Variants in GRID2 observed in about 807,000 individuals in gnomAD.
GRID2 encodes glutamate receptor ionotropic, delta-2.
In GRID2, 33 loss-of-function variants were observed where a neutral mutation model predicts 114.8. That is an observed-to-expected ratio of 0.29 (90% CI 0.22 to 0.38). The LOEUF (loss-of-function observed/expected upper bound fraction) is 0.38, where lower values mean the gene tolerates loss of function less well. Among genes scored for constraint, GRID2 ranks in the 10% least tolerant of loss-of-function variants. The pLI is 1.00. For synonymous variants in GRID2, 505 were observed against 449.9 expected, an observed-to-expected ratio of 1.12 and a Z score of -1.55; for missense variants, 1,184 against 1,257.7, an observed-to-expected ratio of 0.94 and a Z score of 0.89.
At chr4:93,005,694 A>G (rs1721443015) in intron 2 of GRID2, among the ~76,000 whole-genome samples, 2 of 152,232 alleles carry the variant, frequency 1.3e-5, no homozygotes, top group Admixed American at 6.6e-5. Flanking sequence ...TAGTATATAC[A>G]TGCAATGGAA....
At chr4:93,240,983 A>G (rs1747444135) in intron 8 of GRID2, among the ~76,000 whole-genome samples, 1 of 151,530 alleles carries the variant, frequency 6.6e-6, no homozygotes, top group Non-Finnish European at 1.5e-5. Flanking sequence ...CTTGGCCTGA[A>G]AGTTTATATA....
At chr4:93,682,894 C>T (rs1045904496) in intron 14 of GRID2, among the ~76,000 whole-genome samples, 2 of 149,980 alleles carry the variant, frequency 1.3e-5, no homozygotes, top group Non-Finnish European at 3.0e-5. Flanking sequence ...AACTAACCTG[C>T]ACATTGTGCA....
intron 2 of GRID2, among the ~76,000 whole-genome samples, chr4:92,650,337 A>G (rs1398590118): frequency 1.3e-5 from 2 of 151,946 alleles, no homozygotes; most frequent in African/African-American, 2.4e-5. Context: ...TGGTAGGGTG[A>G]CCCAGATCTT....
chr4:92,554,245 G>C (rs1357190078), intron 1 of GRID2, among the ~76,000 whole-genome samples: 1 of 152,124 alleles, frequency 6.6e-6, no homozygotes, highest in Non-Finnish European at 1.5e-5. Flanking sequence ...GTTCATTTAT[G>C]AGCGGCAGTA....
At chr4:93,725,526 A>G (rs1729788690) in intron 14 of GRID2, among the ~76,000 whole-genome samples, 1 of 151,820 alleles carries the variant, frequency 6.6e-6, no homozygotes. Context: ...GTCAAATGGT[A>G]TTTCTAGTTC....
intron 4 of GRID2, among the ~76,000 whole-genome samples, chr4:93,170,256 G>T (rs1738668246): frequency 6.6e-6 from 1 of 152,012 alleles, no homozygotes; most frequent in Non-Finnish European, 1.5e-5. Context: ...GCTAATTTTT[G>T]TATTTTTATT....
At chr4:92,990,483 T>G (rs1417984150) in intron 2 of GRID2, among the ~76,000 whole-genome samples, 1 of 151,858 alleles carries the variant, frequency 6.6e-6, no homozygotes, top group South Asian at 2.1e-4. Flanking sequence ...CTAATTTTTG[T>G]ATTTTTAGTA....
chr4:92,475,318 T>A (rs1449884359), intron 1 of GRID2, among the ~76,000 whole-genome samples: 2 of 151,516 alleles, frequency 1.3e-5, no homozygotes, highest in African/African-American at 4.8e-5. Context: ...TTACATTTAA[T>A]CTTTAATCCA....
chr4:92,645,829 A>G (rs1446834234), intron 2 of GRID2, among the ~76,000 whole-genome samples: 3 of 151,764 alleles, frequency 2.0e-5, no homozygotes, highest in Non-Finnish European at 4.4e-5. Context: ...CCCCGTAAGA[A>G]TTAGATCACA....
At chr4:93,220,553 G>T (rs1443465276) in intron 6 of GRID2, among the ~76,000 whole-genome samples, 1 of 152,074 alleles carries the variant, frequency 6.6e-6, no homozygotes, top group African/African-American at 2.4e-5. Flanking sequence ...AATTAAACTA[G>T]TTGTTTTTCT....
chr4:92,505,273 C>T (rs1038413643), intron 1 of GRID2, among the ~76,000 whole-genome samples: 2 of 152,004 alleles, frequency 1.3e-5, no homozygotes, highest in African/African-American at 2.4e-5. Context: ...ATAAAGAATG[C>T]TGTCCATAAC....
At chr4:93,199,848 C>T (rs1741884702) in intron 4 of GRID2, among the ~76,000 whole-genome samples, 1 of 152,142 alleles carries the variant, frequency 6.6e-6, no homozygotes, top group African/African-American at 2.4e-5. Context: ...TATGTCTTGG[C>T]TTCAGTTCTT....
chr4:93,697,863 A>ATG lies in GRID2; in HGVS notation c.2361-71341_2361-71340dup, dbSNP rs373336727. ...ACTGGCTCAATTTAGTCATTCCACA[A>ATG]TGTGTGTATATATATATTTCAAAAC... On this transcript the variant is annotated intron_variant, in intron 14 of 15. Coordinates refer to ENST00000282020, the MANE Select transcript of GRID2 (RefSeq NM_001510.4). Among the ~76,000 whole-genome samples the ATG allele has an allele frequency of 1.0e-3, 144 of 137,980 alleles. 4 individuals are homozygous for ATG. The highest frequency in any genetic ancestry group is 2.3e-3 in the East Asian group (11 of 4,724). The allele number at this position is 137,980 out of a possible 152,430, so 90.5% of individuals were successfully genotyped here. A position where few individuals can be genotyped will look rare whatever the true frequency, so the allele number is the denominator to read the frequency against.
intron 3 of GRID2, among the ~76,000 whole-genome samples, chr4:93,090,945 A>C (rs773285116): frequency 4.6e-5 from 7 of 152,056 alleles, no homozygotes; most frequent in Non-Finnish European, 7.4e-5. Flanking sequence ...TTTAAGAGAG[A>C]CTTTGTGAGA....
intron 9 of GRID2, among the ~76,000 whole-genome samples, chr4:93,405,069 C>G (rs1264705302): frequency 6.6e-6 from 1 of 151,950 alleles, no homozygotes; most frequent in Non-Finnish European, 1.5e-5. Flanking sequence ...CAACTCTGAT[C>G]CAGTGTAAAG....
intron 8 of GRID2, among the ~76,000 whole-genome samples, chr4:93,249,290 T>G (rs1381844867): frequency 6.6e-6 from 1 of 152,200 alleles, no homozygotes; most frequent in Non-Finnish European, 1.5e-5. Flanking sequence ...TAGTATAGTT[T>G]GAAGTCAGGT....
chr4:92,408,895 T>C (rs553248409), intron 1 of GRID2, among the ~76,000 whole-genome samples: 1 of 152,278 alleles, frequency 6.6e-6, no homozygotes, highest in East Asian at 1.9e-4. Context: ...TTTGTAGATA[T>C]AGAATCATAT....
At chr4:92,738,964 A>G (rs1266823693) in intron 2 of GRID2, among the ~76,000 whole-genome samples, 6 of 152,162 alleles carry the variant, frequency 3.9e-5, no homozygotes, top group Non-Finnish European at 7.3e-5. Context: ...CGTAACACAC[A>G]GTATGATTTT....
At chr4:93,509,101 T>C (rs7691458) in intron 12 of GRID2, among the ~76,000 whole-genome samples, 39,453 of 152,162 alleles carry the variant, frequency 0.26, 5,351 homozygotes, top group Non-Finnish European at 0.3. Flanking sequence ...GTGAAGTACA[T>C]AGGCAGTACT....
Sources: gnomAD v4.1 joint callset for allele counts (sites outside exome capture counted in the v4.1 genomes callset) on GRCh38, gnomAD v4.1.1 for gene constraint, MANE v1.5 for transcripts, NCBI Gene and HGNC (gene_info 2026-07-23, HGNC 2026-07-21) for gene names.